Variants in MAP2K4 observed in about 807,000 individuals in gnomAD.
The protein encoded by MAP2K4 is mitogen-activated protein kinase kinase 4.
Under a neutral mutation model 48.5 loss-of-function variants are expected in MAP2K4, and 4 were observed. The ratio of observed to expected loss-of-function variants is 0.08; its 90% confidence interval spans 0.04 to 0.19. MAP2K4 has a LOEUF of 0.19. Among genes scored for constraint, MAP2K4 ranks in the 10% least tolerant of loss-of-function variants. The pLI is 1.00. For synonymous variants in MAP2K4, 166 were observed against 173.1 expected (o/e 0.96, Z 0.32); for missense variants, 258 against 493.3 (o/e 0.52, Z 4.52).
intron 4 of MAP2K4, 121 bp from the exon 5 acceptor site, chr17:12,107,669 C>T: frequency 1.2e-6 from 1 of 839,396 alleles, no homozygotes. Flanking sequence ...AAAATTATTA[C>T]TAGTTTGACA....
chr17:12,138,331 G>A (rs922447239), intron 9 of MAP2K4, among the ~76,000 whole-genome samples: 1 of 152,026 alleles, frequency 6.6e-6, no homozygotes, highest in Non-Finnish European at 1.5e-5. Flanking sequence ...TCAACCAGAA[G>A]CCTTACTGAT....
intron 1 of MAP2K4, among the ~76,000 whole-genome samples, chr17:12,049,586 C>G (rs2151522182): frequency 6.6e-6 from 1 of 152,210 alleles, no homozygotes; most frequent in South Asian, 2.1e-4. Context: ...GCCTTTTGTT[C>G]CATGTGGTCT....
chr17:12,095,921 G>GTGTGTGTA (rs1555548593), intron 4 of MAP2K4, among the ~76,000 whole-genome samples: 5 of 150,132 alleles, frequency 3.3e-5, no homozygotes, highest in African/African-American at 1.0e-4. Flanking sequence ...GTGTGTGTGT[G>GTGTGTGTA]TGTGTGTATT....
intron 7 of MAP2K4, among the ~76,000 whole-genome samples, chr17:12,118,513 C>T (rs1346360288): frequency 6.6e-6 from 1 of 152,132 alleles, no homozygotes; most frequent in Non-Finnish European, 1.5e-5. Flanking sequence ...ATGCTTATTG[C>T]AGGGAAGCTG....
At chr17:12,095,373 TA>T (rs1386567700) in intron 3 of MAP2K4, 112 of 609,050 alleles carry the variant, frequency 1.8e-4, no homozygotes, top group South Asian at 1.6e-3. Flanking sequence ...AAAGGATTTC[TA>T]AGTGCTGTTT....
intron 1 of MAP2K4, among the ~76,000 whole-genome samples, chr17:12,030,753 C>T (rs1369940519): frequency 6.6e-6 from 1 of 151,958 alleles, no homozygotes; most frequent in Non-Finnish European, 1.5e-5. Flanking sequence ...CTATTTTGTT[C>T]ACCTCTTCTC....
chr17:12,120,849 G>A (rs1286105121), intron 7 of MAP2K4, among the ~76,000 whole-genome samples: 2 of 152,172 alleles, frequency 1.3e-5, no homozygotes, highest in Non-Finnish European at 2.9e-5. Flanking sequence ...ACACAGCATC[G>A]TAGTTGGAGG....
At chr17:12,139,701 T>G (rs1597509358) in intron 9 of MAP2K4, 138 bp from the exon 10 acceptor site, 1 of 580,528 alleles carries the variant, frequency 1.7e-6, no homozygotes, top group East Asian at 2.9e-5. Flanking sequence ...TTTACTGTGT[T>G]TAGCAGGCTG....
chr17:12,028,878 A>G (rs1969342548), intron 1 of MAP2K4, among the ~76,000 whole-genome samples: 1 of 152,198 alleles, frequency 6.6e-6, no homozygotes, highest in Non-Finnish European at 1.5e-5. Flanking sequence ...GCCATTACAC[A>G]AGCAAAATTA....
intron 9 of MAP2K4, among the ~76,000 whole-genome samples, chr17:12,133,543 C>A (rs1973105239): frequency 6.6e-6 from 1 of 152,178 alleles, no homozygotes; most frequent in Non-Finnish European, 1.5e-5. Flanking sequence ...TTGCTCTCCT[C>A]AGATCTCAGC....
At chr17:12,121,270 ATAT>A (rs1290860815) in intron 7 of MAP2K4, among the ~76,000 whole-genome samples, 4 of 152,226 alleles carry the variant, frequency 2.6e-5, no homozygotes. Context: ...TCCCCAAGAT[ATAT>A]TATTATGTAT....
At chr17:12,118,788 A>C (rs928831632) in intron 7 of MAP2K4, among the ~76,000 whole-genome samples, 1 of 152,196 alleles carries the variant, frequency 6.6e-6, no homozygotes, top group East Asian at 1.9e-4. Context: ...GATGTCATAC[A>C]TGCTGTTGCC....
chr17:12,086,462 T>A (rs1971365439), intron 3 of MAP2K4, among the ~76,000 whole-genome samples: 1 of 152,196 alleles, frequency 6.6e-6, no homozygotes, highest in Non-Finnish European at 1.5e-5. Flanking sequence ...GTGCTTGTTT[T>A]GCTGTCACTC....
intron 1 of MAP2K4, among the ~76,000 whole-genome samples, chr17:12,049,816 G>T (rs1173681308): frequency 6.6e-6 from 1 of 152,164 alleles, no homozygotes; most frequent in East Asian, 1.9e-4. Context: ...GAGCAGCAAG[G>T]TCCCTTTGCA....
rs71142262 is a variant in MAP2K4, at chr17:12,042,167, C to CAAAAAAAAAAAAAAAAAAAAAAAAAAAA, written c.116-12699_116-12698insAAAAAAAAAAAAAAAAAAAAAAAAAAAA. 3.6e-5 allele frequency among the ~76,000 whole-genome samples: 2 copies of CAAAAAAAAAAAAAAAAAAAAAAAAAAAA among 55,384 alleles called. 1 individual carries two copies. Among genetic ancestry groups the CAAAAAAAAAAAAAAAAAAAAAAAAAAAA allele is most frequent in the African/African-American group, 1.4e-4 (2 of 14,558 alleles). The allele number at this position is 55,384 out of a possible 152,430, so 36.3% of individuals were successfully genotyped here. On this transcript the variant is annotated intron_variant, in intron 1 of 10. Transcript: ENST00000353533. ...GGGCAACAAGAACGAAACTTTGTCT[C>CAAAAAAAAAAAAAAAAAAAAAAAAAAAA]AAAAAAAAAAAAAAAAAAAAAAAGG...
intron 1 of MAP2K4, among the ~76,000 whole-genome samples, chr17:12,028,838 G>A (rs1254078418): frequency 6.6e-6 from 1 of 152,132 alleles, no homozygotes; most frequent in African/African-American, 2.4e-5. Context: ...AGAGGAATGG[G>A]AATGGAGATA....
chr17:12,043,571 C>G (rs1384378634), intron 1 of MAP2K4, among the ~76,000 whole-genome samples: 1 of 152,044 alleles, frequency 6.6e-6, no homozygotes, highest in East Asian at 1.9e-4. Context: ...TTGACCACAA[C>G]CCCCATCAAG....
At chr17:12,107,308 G>A (rs368891099) in intron 4 of MAP2K4, among the ~76,000 whole-genome samples, 1 of 151,836 alleles carries the variant, frequency 6.6e-6, no homozygotes, top group South Asian at 2.1e-4. Context: ...AGTTAAAGTA[G>A]GCCTCACTGA....
Position 12,062,934 on chromosome 17 carries a change from C to T in MAP2K4, c.218+7943C>T, listed in dbSNP as rs541200269. On this transcript the variant is annotated intron_variant, in intron 2 of 10. Transcript: ENST00000353533. ...CCCAGTCTTCTCCCTCCTTTCCCTC[C>T]TCCCCTTACCTTTCTTTTTCCTTGT... Among the ~76,000 whole-genome samples, 12 of 152,040 alleles carry T rather than the reference C, an allele frequency of 7.9e-5. No homozygotes were observed. In the East Asian group the frequency reaches 2.1e-3, roughly 27 times the overall value.
Sources: allele counts gnomAD v4.1 joint callset (sites outside exome capture counted in the v4.1 genomes callset), GRCh38; gene constraint gnomAD v4.1.1; transcripts MANE v1.5; gene names NCBI Gene and HGNC (gene_info 2026-07-23, HGNC 2026-07-21).